Variants in SLIT2 observed in about 807,000 individuals in gnomAD.
The protein encoded by SLIT2 is slit guidance ligand 2.
SLIT2 carries 41 observed loss-of-function variants against 185.7 expected under a neutral mutation model. The ratio of observed to expected loss-of-function variants is 0.22; its 90% confidence interval spans 0.17 to 0.29. The LOEUF (loss-of-function observed/expected upper bound fraction) is 0.29, where lower values mean the gene tolerates loss of function less well. SLIT2 is among the 10% of genes least tolerant of loss of function. The pLI is 1.00. For missense variants in SLIT2, 1,571 were observed against 1,909.0 expected, an observed-to-expected ratio of 0.82 and a Z score of 3.30; for synonymous variants, 693 against 680.2, an observed-to-expected ratio of 1.02 and a Z score of -0.29.
chr4:20,383,667 T>C (rs1485179364), intron 4 of SLIT2, among the ~76,000 whole-genome samples: 1 of 152,120 alleles, frequency 6.6e-6, no homozygotes, highest in Non-Finnish European at 1.5e-5. Flanking sequence ...CAGTGTCTTA[T>C]AAAATGAAAC....
At chr4:20,431,289 G>T (rs1427962807) in intron 4 of SLIT2, among the ~76,000 whole-genome samples, 1 of 152,198 alleles carries the variant, frequency 6.6e-6, no homozygotes, top group African/African-American at 2.4e-5. Context: ...GACTTTTTTG[G>T]AAGGGGATGG....
At chr4:20,553,523 C>T (rs1723963096) in intron 25 of SLIT2, among the ~76,000 whole-genome samples, 1 of 152,162 alleles carries the variant, frequency 6.6e-6, no homozygotes, top group Admixed American at 6.6e-5. Context: ...ATAAACACGT[C>T]TCTGAAAATA....
chr4:20,433,700 G>A (rs1181410408), intron 4 of SLIT2, among the ~76,000 whole-genome samples: 7 of 152,190 alleles, frequency 4.6e-5, no homozygotes, highest in Non-Finnish European at 1.0e-4. Context: ...GAACAAAGGT[G>A]CCCAACCAGC....
intron 18 of SLIT2, 120 bp downstream of exon 18, chr4:20,533,835 C>A: frequency 1.3e-6 from 1 of 741,278 alleles, no homozygotes; most frequent in Non-Finnish European, 2.2e-6. Flanking sequence ...ATCTCTTTCA[C>A]ATTCTCTGTT....
At chr4:20,475,458 A>G (rs1715992332) in intron 5 of SLIT2, among the ~76,000 whole-genome samples, 1 of 152,038 alleles carries the variant, frequency 6.6e-6, no homozygotes, top group African/African-American at 2.4e-5. Context: ...TTGGAGAACA[A>G]AAAGTTCCTG....
At chr4:20,340,837 G>A (rs1720902697) in intron 4 of SLIT2, among the ~76,000 whole-genome samples, 1 of 152,166 alleles carries the variant, frequency 6.6e-6, no homozygotes, top group Non-Finnish European at 1.5e-5. Flanking sequence ...TCCTGACCTC[G>A]TGATCGGCCT....
chr4:20,598,515 T>C (rs1560228454), intron 33 of SLIT2, 120 bp downstream of exon 33: 1 of 1,140,868 alleles, frequency 8.8e-7, no homozygotes, highest in East Asian at 2.3e-5. Context: ...GGTTTTAGGA[T>C]GAGGGTATTA....
At chr4:20,289,095 A>G (rs977832684) in intron 4 of SLIT2, among the ~76,000 whole-genome samples, 1 of 152,190 alleles carries the variant, frequency 6.6e-6, no homozygotes, top group African/African-American at 2.4e-5. Context: ...AAGGTGGGGC[A>G]GGGGGTGCTG....
rs1352827383 is a variant in SLIT2, at chr4:20,472,542, ATATC to A, written c.467+4723_467+4726del. 9.6e-4 allele frequency among the ~76,000 whole-genome samples: 16 copies of A among 16,720 alleles called. 5 individuals are homozygous for A. Among genetic ancestry groups the A allele is most frequent in the East Asian group, 0.011 (2 of 190 alleles). The allele number at this position is 16,720 out of a possible 152,430, so 11.0% of individuals were successfully genotyped here. A position where few individuals can be genotyped will look rare whatever the true frequency, so the allele number is the denominator to read the frequency against. On this transcript the variant is annotated intron_variant, in intron 5 of 36. Coordinates refer to ENST00000504154, the MANE Select transcript of SLIT2 (RefSeq NM_004787.4). ...TATATATCTATATATAGATATATCT[ATATC>A]TATATATAGATATATATCTATATAT...
chr4:20,480,797 G>A lies in SLIT2; in HGVS notation c.539+10G>A, dbSNP rs770897164. On this transcript the variant is annotated intron_variant, in intron 6 of 36. Coordinates refer to ENST00000504154, the MANE Select transcript of SLIT2 (RefSeq NM_004787.4). The stretch of plus-strand genomic sequence containing the variant: ...GGGACCTGGAAGTGCTGTAAGTACT[G>A]CTATTTCTCTTGCTCTTTTAACGGG... 1.3e-6 allele frequency: 2 copies of A among 1,597,808 alleles called. No individual in the cohort carries two copies. The highest frequency in any genetic ancestry group is 1.1e-5 in the South Asian group (1 of 90,782).
chr4:20,598,390 T>C lies in SLIT2; in HGVS notation c.3687T>C (p.Ile1229=), dbSNP rs1265615656. Residue 1229 remains isoleucine (I), a synonymous_variant, in exon 33 of 37, where the codon ATT becomes ATC. Coordinates refer to ENST00000504154, the MANE Select transcript of SLIT2 (RefSeq NM_004787.4). ...CCGGCTCTCATCCAGCTTCTGCCATTTACAGGTGAAGATCTCTCAGTTACG... is the reference window on the plus strand; with the variant it reads ...CCGGCTCTCATCCAGCTTCTGCCATCTACAGGTGAAGATCTCTCAGTTACG... The part of the protein sequence containing the change: ...YDTGSHPASA[I]YSVETINDGN... 6.2e-7 allele frequency: 1 copy of C among 1,614,008 alleles called. No homozygotes were observed. The highest frequency in any genetic ancestry group is 8.5e-7 in the Non-Finnish European group (1 of 1,179,934).
chr4:20,514,147 A>C (rs1006983105), intron 11 of SLIT2, among the ~76,000 whole-genome samples: 1 of 152,196 alleles, frequency 6.6e-6, no homozygotes, highest in Non-Finnish European at 1.5e-5. Flanking sequence ...AAACCATGCA[A>C]GTACAAGGCA....
chr4:20,469,751 CTTTTTTTTTTTTT>C (rs33912349), intron 5 of SLIT2, among the ~76,000 whole-genome samples: 1 of 90,764 alleles, frequency 1.1e-5, no homozygotes, highest in African/African-American at 4.3e-5. Context: ...TTAGTTTTTA[CTTTTTTTTTTTTT>C]TTTTTTTTTG....
intron 4 of SLIT2, among the ~76,000 whole-genome samples, chr4:20,458,853 T>G (rs2148725956): frequency 6.6e-6 from 1 of 152,320 alleles, no homozygotes; most frequent in South Asian, 2.1e-4. Flanking sequence ...CCCGACTTGG[T>G]TATAGAAACA....
At chr4:20,500,614 TA>T (rs965501295) in intron 9 of SLIT2, among the ~76,000 whole-genome samples, 9 of 152,072 alleles carry the variant, frequency 5.9e-5, no homozygotes, top group Admixed American at 3.3e-4. Context: ...TTCTTTATGA[TA>T]AAAAAAATTT....
intron 4 of SLIT2, among the ~76,000 whole-genome samples, chr4:20,442,020 G>A (rs1237857497): frequency 1.3e-5 from 2 of 152,196 alleles, no homozygotes; most frequent in Non-Finnish European, 2.9e-5. Context: ...ATAGATTGCT[G>A]TGTGAGAACA....
chr4:20,463,479 A>ATATATATG (rs1713970711), intron 4 of SLIT2, among the ~76,000 whole-genome samples: 1 of 88,766 alleles, frequency 1.1e-5, no homozygotes, highest in Non-Finnish European at 2.2e-5. Context: ...ATATATATAT[A>ATATATATG]TATATATATA....
At chr4:20,567,798 A>G (rs566477989) in intron 28 of SLIT2, among the ~76,000 whole-genome samples, 183 bp downstream of exon 28, 71 of 152,266 alleles carry the variant, frequency 4.7e-4, no homozygotes, top group Non-Finnish European at 9.0e-4. Context: ...ACACTACAGC[A>G]TTCTCAGCAC....
rs188242132 is a variant in SLIT2, at chr4:20,428,354, C to T, written c.396-39398C>T. Among the ~76,000 whole-genome samples the T allele has an allele frequency of 1.1e-3, 169 of 152,292 alleles. 1 individual carries two copies. Among genetic ancestry groups the T allele is most frequent in the African/African-American group, 3.5e-3 (144 of 41,570 alleles). On this transcript the variant is annotated intron_variant, in intron 4 of 36. Transcript: ENST00000504154. The stretch of plus-strand genomic sequence containing the variant: ...CCACATGAGTCCCCTGGTGCCTTTT[C>T]TGTCATACCCGCTCTTGTCTACCTA...
Sources: allele counts gnomAD v4.1 joint callset (sites outside exome capture counted in the v4.1 genomes callset), GRCh38; gene constraint gnomAD v4.1.1; transcripts MANE v1.5; gene names NCBI Gene and HGNC (gene_info 2026-07-23, HGNC 2026-07-21).